RTL9: variants seen among roughly 807,000 people sequenced by gnomAD.
RTL9 encodes retrotransposon Gag like 9, also known as retrotransposon Gag-like protein 9.
In RTL9, 19 loss-of-function variants were observed where a neutral mutation model predicts 44.7. The ratio of observed to expected loss-of-function variants is 0.42; its 90% CI spans 0.30 to 0.62. RTL9 has a LOEUF of 0.62. RTL9 is among the 20% of genes least tolerant of loss of function. The pLI is 0.16. For missense variants in RTL9, 1,105 were observed against 1,080.6 expected, an observed-to-expected ratio of 1.02 and a Z score of -0.32; for synonymous variants, 407 against 398.9, an observed-to-expected ratio of 1.02 and a Z score of -0.24.
At chrX:110,382,818 G>A (rs1427206933) in intron 1 of RTL9, among the ~76,000 whole-genome samples, 3 of 111,795 alleles carry the variant, frequency 2.7e-5, no homozygotes, top group Admixed American at 9.5e-5. Context: ...ATTCCATGTC[G>A]TTTCTCAGCT....
At chrX:110,404,173 G>A (rs2068582762) in intron 1 of RTL9, among the ~76,000 whole-genome samples, 1 of 112,193 alleles carries the variant, frequency 8.9e-6, no homozygotes, top group African/African-American at 3.2e-5. Context: ...AGTTGGTCAG[G>A]CTCCTTCATT....
intron 1 of RTL9, among the ~76,000 whole-genome samples, chrX:110,422,635 G>A (rs968787334): frequency 1.8e-5 from 2 of 112,479 alleles, no homozygotes; most frequent in Non-Finnish European, 3.7e-5. Flanking sequence ...CCTCGCAGCA[G>A]CTACCATGCC....
chrX:110,386,718 T>C (rs933287904), intron 1 of RTL9, among the ~76,000 whole-genome samples: 1 of 112,121 alleles, frequency 8.9e-6, no homozygotes, highest in Non-Finnish European at 1.9e-5. Context: ...TTAGAAAGAA[T>C]GAGATCTAAA....
upstream of RTL9, among the ~76,000 whole-genome samples, chrX:110,447,111 CTTTTTT>C (rs1181988453): frequency 2.7e-5 from 1 of 36,827 alleles, no homozygotes; most frequent in Non-Finnish European, 4.4e-5. Context: ...TATTCTGTGA[CTTTTTT>C]TTTTTTTTTT....
At chrX:110,377,866 G>A (rs960436670) in intron 1 of RTL9, among the ~76,000 whole-genome samples, 1 of 108,083 alleles carries the variant, frequency 9.3e-6, no homozygotes, top group Non-Finnish European at 1.9e-5. Context: ...AAAATTAGCC[G>A]GGCGTGGTAG....
intron 1 of RTL9, among the ~76,000 whole-genome samples, chrX:110,377,352 T>G (rs2068383910): frequency 8.9e-6 from 1 of 111,770 alleles, no homozygotes. Flanking sequence ...ATGGCCAGAA[T>G]AGCGAAACAC....
intron 1 of RTL9, among the ~76,000 whole-genome samples, chrX:110,360,521 T>C (rs2068256382): frequency 9.0e-6 from 1 of 111,712 alleles, no homozygotes; most frequent in African/African-American, 3.3e-5. Flanking sequence ...AATTGAGTTA[T>C]ATTTTGGAGG....
At chrX:110,452,388 C>G in exon 1 of RTL9, 1 of 1,211,774 alleles carries the variant, frequency 8.3e-7, no homozygotes, top group Non-Finnish European at 1.1e-6. Context: ...AACATCCACG[C>G]TGTTAATGAG....
Position 110,410,466 on chromosome X carries a change from G to C in RTL9, c.-167-34687G>C, listed in dbSNP as rs1260737794. 2.7e-5 allele frequency among the ~76,000 whole-genome samples: 3 copies of C among 112,361 alleles called. No homozygotes were observed. In the East Asian group the frequency reaches 8.3e-4, roughly 31 times the overall value. On this transcript the variant is annotated intron_variant, in intron 1 of 2. Transcript: ENST00000520821. ...CCATAGAAAGCCAAGTGAAATAATG[G>C]AGGTAATTATCCACCTATTTTCTTT...
At chrX:110,446,643 G>A (rs1224456304), upstream of RTL9, among the ~76,000 whole-genome samples, 1 of 111,442 alleles carries the variant, frequency 9.0e-6, no homozygotes, top group Non-Finnish European at 1.9e-5. Flanking sequence ...GTCACTGTTG[G>A]CGTTTTGGTA....
At chrX:110,376,366 C>T (rs915970383) in intron 1 of RTL9, among the ~76,000 whole-genome samples, 3 of 111,111 alleles carry the variant, frequency 2.7e-5, no homozygotes, top group African/African-American at 6.6e-5. Flanking sequence ...AGCCTGCCTC[C>T]AGACAGGGAT....
intron 1 of RTL9, among the ~76,000 whole-genome samples, chrX:110,389,734 G>A (rs1423352477): frequency 9.0e-6 from 1 of 110,600 alleles, no homozygotes; most frequent in Non-Finnish European, 1.9e-5. Flanking sequence ...AGTAGAAAGG[G>A]AGAAAAGGAA....
At chrX:110,422,699 T>C (rs774144958) in intron 1 of RTL9, among the ~76,000 whole-genome samples, 1 of 112,256 alleles carries the variant, frequency 8.9e-6, no homozygotes, top group East Asian at 2.8e-4. Flanking sequence ...GTAGGGACTT[T>C]CATTTGGAAG....
At chrX:110,366,067 G>C (rs901060046) in intron 1 of RTL9, among the ~76,000 whole-genome samples, 1 of 111,558 alleles carries the variant, frequency 9.0e-6, no homozygotes, top group African/African-American at 3.3e-5. Flanking sequence ...GGCCCGGGGA[G>C]GACATGTGTT....
At chrX:110,378,716 A>G (rs1306961011) in intron 1 of RTL9, among the ~76,000 whole-genome samples, 1 of 111,775 alleles carries the variant, frequency 8.9e-6, no homozygotes, top group East Asian at 2.8e-4. Flanking sequence ...CAGCCTATTC[A>G]TTCTTTAATG....
At chrX:110,452,096 C>T in exon 1 of RTL9, 1 of 1,212,113 alleles carries the variant, frequency 8.3e-7, no homozygotes, top group Non-Finnish European at 1.1e-6. Flanking sequence ...GAGCCACAGC[C>T]TCTGGAAAGA....
At chrX:110,438,182 A>C (rs2068853001) in intron 1 of RTL9, among the ~76,000 whole-genome samples, 1 of 111,099 alleles carries the variant, frequency 9.0e-6, no homozygotes, top group Admixed American at 9.6e-5. Context: ...TTGTCCCTCT[A>C]TCAGAACCTG....
At chrX:110,454,592 G>A in exon 1 of RTL9, 1 of 1,211,612 alleles carries the variant, frequency 8.3e-7, no homozygotes, top group Non-Finnish European at 1.1e-6. Context: ...GCCAGGTTCT[G>A]CCAACAGCCT....
intron 1 of RTL9, among the ~76,000 whole-genome samples, chrX:110,370,347 T>C (rs1007240514): frequency 9.0e-6 from 1 of 111,515 alleles, no homozygotes; most frequent in Non-Finnish European, 1.9e-5. Flanking sequence ...TAGCTAGGAT[T>C]ACAGGCACCT....
Sources: gnomAD v4.1 joint callset for allele counts (sites outside exome capture counted in the v4.1 genomes callset) on GRCh38, gnomAD v4.1.1 for gene constraint, MANE v1.5 for transcripts, NCBI Gene and HGNC (gene_info 2026-07-23, HGNC 2026-07-21) for gene names.